MOB3B: variants seen among roughly 807,000 people sequenced by gnomAD.
MOB3B encodes MOB kinase activator 3B.
A neutral mutation model predicts 18.7 loss-of-function variants in MOB3B; 7 were observed. The observed-to-expected ratio is 0.37, with a 90% CI of 0.21 to 0.70. MOB3B has a LOEUF of 0.70. Among genes scored for constraint, MOB3B ranks in the 30% least tolerant of loss-of-function variants. MOB3B has a pLI of 0.52. For synonymous variants in MOB3B, 111 were observed against 99.9 expected (o/e 1.11, Z -0.66); for missense variants, 253 against 281.3 (o/e 0.90, Z 0.72).
At chr9:27,443,193 C>T (rs1010516839) in intron 2 of MOB3B, among the ~76,000 whole-genome samples, 3 of 152,154 alleles carry the variant, frequency 2.0e-5, no homozygotes, top group Admixed American at 6.6e-5. Flanking sequence ...TACTGCCCTG[C>T]GTGACACAAC....
At chr9:27,484,155 TCA>T (rs1819702184) in intron 1 of MOB3B, among the ~76,000 whole-genome samples, 1 of 152,228 alleles carries the variant, frequency 6.6e-6, no homozygotes, top group Non-Finnish European at 1.5e-5. Flanking sequence ...GCAGGTCCTA[TCA>T]CAGTTGTCTG....
At position 27,327,228 on chromosome 9, in the gene MOB3B, T is replaced by C. The variant is rs1820726411; in HGVS notation, c.*3359A>G. Reference sequence around the variant, plus strand: ...CCTTGAGAACATTAAGGGATGAATGTACGTATGCACAGCCTCACACTCTAT... The same window carrying C: ...CCTTGAGAACATTAAGGGATGAATGCACGTATGCACAGCCTCACACTCTAT... On this transcript the variant is annotated 3_prime_UTR_variant, in exon 4 of 4. Transcript: ENST00000262244. 1 of 152,208 alleles carries C rather than the reference T, an allele frequency of 6.6e-6. No homozygotes were observed. Among genetic ancestry groups the C allele is most frequent in the African/African-American group, 2.4e-5 (1 of 41,446 alleles). 9.4% of individuals were successfully genotyped at this position (152,208 alleles called of 1,614,324 possible).
At chr9:27,468,804 C>A (rs1819427913) in intron 1 of MOB3B, among the ~76,000 whole-genome samples, 1 of 152,192 alleles carries the variant, frequency 6.6e-6, no homozygotes. Context: ...CCCCCATAAT[C>A]ATAATGAGAC....
chr9:27,473,676 C>G (rs533655449), intron 1 of MOB3B, among the ~76,000 whole-genome samples: 1 of 152,188 alleles, frequency 6.6e-6, no homozygotes, highest in East Asian at 1.9e-4. Flanking sequence ...TCAAGACATT[C>G]CCTCAGCTTC....
At chr9:27,423,303 T>C (rs1563865099) in intron 2 of MOB3B, among the ~76,000 whole-genome samples, 1 of 152,106 alleles carries the variant, frequency 6.6e-6, no homozygotes, top group Non-Finnish European at 1.5e-5. Context: ...TTTTGGTAAA[T>C]ATTAATATTA....
chr9:27,330,535 A>T lies in MOB3B; in HGVS notation c.*52T>A. Reference sequence around the variant, plus strand: ...AGGGTGGTCCACCTCCTGCCCGCTCAGGGCACCAGGAGGAAACAGCTTTCC... The same window carrying T: ...AGGGTGGTCCACCTCCTGCCCGCTCTGGGCACCAGGAGGAAACAGCTTTCC... On this transcript the variant is annotated 3_prime_UTR_variant, in exon 4 of 4. Transcript: ENST00000262244. 1 of 1,612,548 alleles carries T rather than the reference A, an allele frequency of 6.2e-7. No individual in the cohort carries two copies. The highest frequency in any genetic ancestry group is 8.5e-7 in the Non-Finnish European group (1 of 1,179,230).
chr9:27,493,902 G>A (rs538705738), intron 1 of MOB3B, among the ~76,000 whole-genome samples: 3 of 152,276 alleles, frequency 2.0e-5, no homozygotes, highest in East Asian at 1.9e-4. Flanking sequence ...TCTGACCACC[G>A]GTGAGCCGGG....
chr9:27,435,341 T>C (rs1188676093), intron 2 of MOB3B, among the ~76,000 whole-genome samples: 2 of 152,190 alleles, frequency 1.3e-5, no homozygotes, highest in South Asian at 2.1e-4. Flanking sequence ...AAAGTATACA[T>C]GTTTATAAAC....
chr9:27,375,031 C>T (rs950747661), intron 2 of MOB3B, among the ~76,000 whole-genome samples: 1 of 152,206 alleles, frequency 6.6e-6, no homozygotes, highest in Admixed American at 6.5e-5. Flanking sequence ...ATGGGGCCAC[C>T]CCAGAGTGGG....
chr9:27,346,171 T>C (rs1821028797), intron 3 of MOB3B, among the ~76,000 whole-genome samples: 1 of 152,196 alleles, frequency 6.6e-6, no homozygotes, highest in Non-Finnish European at 1.5e-5. Flanking sequence ...GAAGGCACCA[T>C]CTTTCAGGCA....
chr9:27,488,584 T>C (rs1461254768), intron 1 of MOB3B, among the ~76,000 whole-genome samples: 3 of 152,072 alleles, frequency 2.0e-5, no homozygotes, highest in African/African-American at 7.3e-5. Context: ...ACTTTTGTAT[T>C]TTTAGTAGAG....
rs565066498 is a variant in MOB3B at position 27,382,222 on chromosome 9, G to A, written c.419-22986C>T. Among the ~76,000 whole-genome samples the A allele has an allele frequency of 2.3e-4, 35 of 152,160 alleles. 1 individual carries two copies. Among genetic ancestry groups the A allele is most frequent in the East Asian group, 1.7e-3 (9 of 5,168 alleles). On this transcript the variant is annotated intron_variant, in intron 2 of 3. Transcript: ENST00000262244. ...CCACTTTGTACTAGGTCAATTCCTC[G>A]ACAGCTTTAATATGTGATGAGTACT...
At chr9:27,480,985 T>C (rs928145312) in intron 1 of MOB3B, among the ~76,000 whole-genome samples, 2 of 151,982 alleles carry the variant, frequency 1.3e-5, no homozygotes, top group African/African-American at 2.4e-5. Flanking sequence ...AAAAGACTAG[T>C]GTAAGAATTG....
At position 27,330,676 on chromosome 9, in the gene MOB3B, G is replaced by A. The variant is rs946316019; in HGVS notation, c.622-60C>T. ...ACTATAAGCAGAGCAACGATTTGGT[G>A]AAGGATCCTGAAAATGCTCTTGGAA... On this transcript the variant is annotated intron_variant, in intron 3 of 3. Transcript: ENST00000262244. The A allele has an allele frequency of 1.9e-6, 3 of 1,608,386 alleles. No homozygotes were observed. The African/African-American group carries it at 4.0e-5, about 21-fold the overall frequency.
intron 2 of MOB3B, among the ~76,000 whole-genome samples, chr9:27,377,347 G>C (rs764387454): frequency 6.6e-6 from 1 of 152,190 alleles, no homozygotes; most frequent in Non-Finnish European, 1.5e-5. Flanking sequence ...GAATCTCCCA[G>C]GATGAGACGA....
intron 1 of MOB3B, among the ~76,000 whole-genome samples, chr9:27,513,887 G>T (rs552753485): frequency 1.9e-3 from 2 of 1,046 alleles, no homozygotes; most frequent in South Asian, 0.11. Context: ...ATAAACAGAT[G>T]GATGGATGGA....
At chr9:27,486,740 G>A (rs1819734236) in intron 1 of MOB3B, among the ~76,000 whole-genome samples, 1 of 152,138 alleles carries the variant, frequency 6.6e-6, no homozygotes, top group South Asian at 2.1e-4. Context: ...GAATTTAATG[G>A]GAATAAAGAA....
chr9:27,521,078 G>C (rs1374722839), intron 1 of MOB3B, among the ~76,000 whole-genome samples: 4 of 152,128 alleles, frequency 2.6e-5, no homozygotes, highest in Admixed American at 2.6e-4. Context: ...TGGAGTCCTT[G>C]CTCTTGGGGA....
Position 27,337,068 on chromosome 9 carries a change from C to T in MOB3B, c.622-6452G>A, listed in dbSNP as rs555452451. Among the ~76,000 whole-genome samples the T allele has an allele frequency of 1.6e-3, 237 of 152,330 alleles. 5 individuals are homozygous for T. Among genetic ancestry groups the T allele is most frequent in the Non-Finnish European group, 2.1e-4 (14 of 68,032 alleles). ...TGGCCCTGTGGCCTGCCGTCAGCCC[C>T]ATCTCCACTCAGATGGGACATACCT... is the stretch of plus-strand genomic sequence containing the variant. On this transcript the variant is annotated intron_variant, in intron 3 of 3. Coordinates refer to ENST00000262244, the MANE Select transcript of MOB3B (RefSeq NM_024761.5).
Sources: allele counts gnomAD v4.1 joint callset (sites outside exome capture counted in the v4.1 genomes callset), GRCh38; gene constraint gnomAD v4.1.1; transcripts MANE v1.5; gene names NCBI Gene and HGNC (gene_info 2026-07-23, HGNC 2026-07-21).